Variants in PARP8 observed in about 807,000 individuals in gnomAD.
PARP8 encodes protein mono-ADP-ribosyltransferase PARP8.
A neutral mutation model predicts 124.1 loss-of-function variants in PARP8; 51 were observed. That is an observed-to-expected ratio of 0.41 (90% CI 0.33 to 0.52). The LOEUF is 0.52. Among genes scored for constraint, PARP8 ranks in the 20% least tolerant of loss-of-function variants. The probability of loss-of-function intolerance (pLI) is 0.21; values close to 1 mark genes in which losing one functional copy is unlikely to be tolerated. For synonymous variants in PARP8, 391 were observed against 361.5 expected (o/e 1.08, Z -0.93); for missense variants, 860 against 1,018.9 (o/e 0.84, Z 2.12).
At chr5:50,727,313 G>C (rs1756524982) in intron 2 of PARP8, among the ~76,000 whole-genome samples, 1 of 152,068 alleles carries the variant, frequency 6.6e-6, no homozygotes, top group South Asian at 2.1e-4. Context: ...ACTCCCTTCT[G>C]TTGTTGGAGT....
chr5:50,822,534 T>G, intron 17 of PARP8, 134 bp downstream of exon 17: 1 of 655,622 alleles, frequency 1.5e-6, no homozygotes, highest in Non-Finnish European at 2.7e-6. Context: ...TTTAATTAAA[T>G]CACATCAGTG....
intron 2 of PARP8, among the ~76,000 whole-genome samples, chr5:50,688,509 A>G (rs562093844): frequency 2.6e-5 from 4 of 152,022 alleles, no homozygotes; most frequent in African/African-American, 7.3e-5. Flanking sequence ...TGTGGTGGGG[A>G]TAATGATATG....
intron 2 of PARP8, among the ~76,000 whole-genome samples, chr5:50,747,166 T>G (rs1359450502): frequency 3.1e-4 from 44 of 141,876 alleles, no homozygotes; most frequent in Admixed American, 1.7e-3. Context: ...TTGTTTTGTT[T>G]TTTTTTTTTT....
chr5:50,768,867 G>T (rs987351759), intron 7 of PARP8, among the ~76,000 whole-genome samples: 1 of 152,064 alleles, frequency 6.6e-6, no homozygotes, highest in Non-Finnish European at 1.5e-5. Context: ...TATAAAAAGG[G>T]CATCACAACG....
intron 7 of PARP8, among the ~76,000 whole-genome samples, chr5:50,767,138 C>T (rs747485690): frequency 4.6e-5 from 7 of 152,044 alleles, no homozygotes; most frequent in Non-Finnish European, 8.8e-5. Flanking sequence ...CCCTTAGTGA[C>T]GACAGTGAGC....
intron 10 of PARP8, among the ~76,000 whole-genome samples, chr5:50,793,082 T>C (rs1742146010): frequency 1.3e-5 from 2 of 152,150 alleles, no homozygotes; most frequent in Admixed American, 1.3e-4. Flanking sequence ...CGTTCTCTTA[T>C]TTGTGAAATG....
intron 2 of PARP8, among the ~76,000 whole-genome samples, chr5:50,709,844 AGTGTGTGTGTGT>A (rs35238386): frequency 5.5e-5 from 7 of 127,902 alleles, no homozygotes; most frequent in East Asian, 4.8e-4. Flanking sequence ...TTTGTACAAG[AGTGTGTGTGTGT>A]GTGTGTGTGT....
rs189415709 is a variant in PARP8, at chr5:50,840,913, C to T, written c.2463-1053C>T. Among the ~76,000 whole-genome samples the T allele has an allele frequency of 9.2e-5, 14 of 151,806 alleles. No homozygotes were observed. In the East Asian group the frequency reaches 2.5e-3, roughly 27 times the overall value. On this transcript the variant is annotated intron_variant, in intron 25 of 25. Coordinates refer to ENST00000281631, the MANE Select transcript of PARP8 (RefSeq NM_024615.4). ...AACTTGCTAAGTATATCTAAAACAG[C>T]GATAAGAATTAGCCAAATAGACAAC...
At chr5:50,750,431 C>T (rs188027322) in intron 3 of PARP8, among the ~76,000 whole-genome samples, 157 of 152,074 alleles carry the variant, frequency 1.0e-3, no homozygotes, top group African/African-American at 3.7e-3. Context: ...ATAGTTCCAG[C>T]CTGTGCATTT....
chr5:50,786,723 G>T (rs373995380), intron 9 of PARP8, among the ~76,000 whole-genome samples: 1 of 151,966 alleles, frequency 6.6e-6, no homozygotes, highest in African/African-American at 2.4e-5. Flanking sequence ...TCTTCCATCC[G>T]CTTGGCCATT....
At chr5:50,795,567 C>A in intron 12 of PARP8, 150 bp downstream of exon 12, 1 of 625,596 alleles carries the variant, frequency 1.6e-6, no homozygotes, top group South Asian at 3.1e-5. Context: ...GTTTTGCATC[C>A]CATACATTTG....
At chr5:50,692,253 C>A (rs1417812547) in intron 2 of PARP8, among the ~76,000 whole-genome samples, 1 of 152,062 alleles carries the variant, frequency 6.6e-6, no homozygotes, top group African/African-American at 2.4e-5. Flanking sequence ...CATCTCTTGA[C>A]CTTTCCAGCC....
intron 23 of PARP8, 67 bp from the exon 24 acceptor site, chr5:50,833,912 T>A: frequency 7.4e-7 from 1 of 1,356,120 alleles, no homozygotes; most frequent in Admixed American, 1.7e-5. Context: ...TACTTTTTAA[T>A]GATGAACAGC....
intron 1 of PARP8, chr5:50,667,522 G>T (rs1321774482): frequency 5.7e-6 from 4 of 700,038 alleles, no homozygotes; most frequent in Non-Finnish European, 1.0e-5. Context: ...TTCCAGCAGC[G>T]GCGGCAGAGC....
intron 2 of PARP8, among the ~76,000 whole-genome samples, chr5:50,741,517 GCTTA>G (rs1758039025): frequency 1.3e-5 from 2 of 152,156 alleles, no homozygotes; most frequent in Admixed American, 1.3e-4. Context: ...TGAGAAAATA[GCTTA>G]CTTAGAAGTC....
At position 50,832,868 on chromosome 5, in the gene PARP8, T is replaced by G; in HGVS notation, c.2307+14T>G. On this transcript the variant is annotated intron_variant, in intron 23 of 25. Transcript: ENST00000281631. ...AATACATCACAGGTGTTGTAGTGACTTTAGTGACTGCTTATGATTAGTGAA... is the reference window on the plus strand; with the variant it reads ...AATACATCACAGGTGTTGTAGTGACGTTAGTGACTGCTTATGATTAGTGAA... 1 of 1,611,426 alleles carries G rather than the reference T, an allele frequency of 6.2e-7. No homozygotes were observed. Among genetic ancestry groups the G allele is most frequent in the Non-Finnish European group, 8.5e-7 (1 of 1,177,886 alleles).
chr5:50,842,030 A>T lies in PARP8; in HGVS notation c.2527A>T (p.Ile843Phe). 6.2e-7 allele frequency: 1 copy of T among 1,606,124 alleles called. No homozygotes were observed. Among genetic ancestry groups the T allele is most frequent in the Non-Finnish European group, 8.5e-7 (1 of 1,175,616 alleles). Residue 843 changes from isoleucine (I) to phenylalanine (F), a missense_variant, in exon 26 of 26, where the codon ATC (isoleucine) becomes TTC (phenylalanine). Coordinates refer to ENST00000281631, the MANE Select transcript of PARP8 (RefSeq NM_024615.4). ...NTQEGGIHKE[I>F]LRVIGNQTAT... ...ACAAGAAGGAGGCATTCACAAAGAGATCCTCCGAGTAATTGGTAATCAAAC... is the reference window on the plus strand; with the variant it reads ...ACAAGAAGGAGGCATTCACAAAGAGTTCCTCCGAGTAATTGGTAATCAAAC...
intron 7 of PARP8, among the ~76,000 whole-genome samples, chr5:50,770,940 A>G (rs1444757498): frequency 2.0e-5 from 3 of 152,074 alleles, no homozygotes; most frequent in East Asian, 3.9e-4. Context: ...CTTATCCTTT[A>G]AGATTAATGT....
intron 14 of PARP8, among the ~76,000 whole-genome samples, chr5:50,801,010 A>G (rs1388263301): frequency 2.0e-5 from 3 of 152,022 alleles, no homozygotes; most frequent in African/African-American, 7.2e-5. Context: ...CTCCTGCCTT[A>G]GCCTCTCAAA....
Sources: gnomAD v4.1 joint callset for allele counts (sites outside exome capture counted in the v4.1 genomes callset) on GRCh38, gnomAD v4.1.1 for gene constraint, MANE v1.5 for transcripts, NCBI Gene and HGNC (gene_info 2026-07-23, HGNC 2026-07-21) for gene names.